Variants in TJP1 observed in about 807,000 individuals in gnomAD.
TJP1 encodes the protein tight junction protein 1.
A neutral mutation model predicts 194.2 loss-of-function variants in TJP1; 43 were observed. That is an observed-to-expected ratio of 0.22 (90% CI 0.17 to 0.29). The LOEUF (loss-of-function observed/expected upper bound fraction) is 0.29. Among genes scored for constraint, TJP1 ranks in the 10% least tolerant of loss-of-function variants. The pLI is 1.00. For missense variants in TJP1, 1,971 were observed against 2,185.7 expected (o/e 0.90, Z 1.96); for synonymous variants, 801 against 779.0 (o/e 1.03, Z -0.47).
chr15:29,834,226 A>ATTTT (rs879783769), intron 2 of TJP1, among the ~76,000 whole-genome samples: 1 of 124,022 alleles, frequency 8.1e-6, no homozygotes, highest in East Asian at 2.4e-4. Context: ...GTAAATAGGG[A>ATTTT]TTTTTTTTTT....
At chr15:29,800,835 G>T (rs746975946) in intron 1 of TJP1, 133 bp from the exon 2 acceptor site, 10 of 784,552 alleles carry the variant, frequency 1.3e-5, no homozygotes, top group Non-Finnish European at 2.0e-5. Flanking sequence ...ACTCTGAAAG[G>T]ACCTTAATAA....
At position 29,716,642 on chromosome 15, in the gene TJP1, T is replaced by G. The variant is rs1307586893; in HGVS notation, c.4171A>C (p.Asn1391His). 1.9e-6 allele frequency: 3 copies of G among 1,613,438 alleles called. No individual in the cohort carries two copies. The highest frequency in any genetic ancestry group is 3.3e-5 in the Admixed American group (2 of 59,962). Residue 1391 changes from asparagine (N) to histidine (H), a missense_variant, in exon 23 of 28, where the codon AAT becomes CAT. Asn to His is a moderately conservative substitution (Grantham distance 68). Around this residue, in one of 5 missense-constraint regions of TJP1, gnomAD observed 1,108 missense variants for 1,128.5 expected, o/e 0.98. Coordinates refer to ENST00000614355, the MANE Select transcript of TJP1 (RefSeq NM_001330239.4). ...SEPAKPAHSQ[N>H]QSNFSSYSSK... is the part of the protein sequence containing the mutation. ...GAATAACTAGAAAAATTTGATTGAT[T>G]CTGAGAATGCGCTGGCTTTGCAGGC... is the stretch of plus-strand genomic sequence containing the variant.
intron 2 of TJP1, among the ~76,000 whole-genome samples, chr15:29,906,769 G>T (rs2053829517): frequency 6.6e-6 from 1 of 151,524 alleles, no homozygotes; most frequent in Non-Finnish European, 1.5e-5. Context: ...TAGTAGCGAT[G>T]GGGTTTCACC....
intron 2 of TJP1, among the ~76,000 whole-genome samples, chr15:29,847,481 T>C (rs2051458496): frequency 6.6e-6 from 1 of 152,200 alleles, no homozygotes; most frequent in Admixed American, 6.5e-5. Context: ...GATGCCACTC[T>C]ACACTTTTAA....
intron 10 of TJP1, among the ~76,000 whole-genome samples, chr15:29,739,064 A>T (rs2044224992): frequency 6.6e-6 from 1 of 151,836 alleles, no homozygotes; most frequent in African/African-American, 2.4e-5. Flanking sequence ...AGCAAAACAA[A>T]AACAAAAACA....
In TJP1 at chr15:29,701,070, T is replaced by C. The variant is rs2041512417; in HGVS notation, c.*525A>G. 1.3e-5 allele frequency: 2 copies of C among 153,642 alleles called. No homozygotes were observed. Among genetic ancestry groups the C allele is most frequent in the Non-Finnish European group, 2.9e-5 (2 of 68,684 alleles). The allele number at this position is 153,642 out of a possible 1,614,324, so 9.5% of individuals were successfully genotyped here. ...ATGTACAGTAAGTCATTGTCTTCAC[T>C]TCACCCTCCCCCAGTTGTAAATCTC... On this transcript the variant is annotated 3_prime_UTR_variant, in exon 28 of 28. Coordinates refer to ENST00000614355, the MANE Select transcript of TJP1 (RefSeq NM_001330239.4).
In TJP1 at chr15:29,728,029, A is replaced by G. The variant is rs2043350260; in HGVS notation, c.2018-10T>C. The G allele has an allele frequency of 1.2e-6, 2 of 1,612,944 alleles. No homozygotes were observed. Among genetic ancestry groups the G allele is most frequent in the Non-Finnish European group, 8.5e-7 (1 of 1,178,958 alleles). ...TCTCGTGGTTCACTCTCTATTCATTATGTCAGGACAAAAATAAGACATCAA... is the reference window on the plus strand; with the variant it reads ...TCTCGTGGTTCACTCTCTATTCATTGTGTCAGGACAAAAATAAGACATCAA... On this transcript the variant is annotated splice_polypyrimidine_tract_variant and intron_variant, in intron 15 of 27. Transcript: ENST00000614355.
intron 2 of TJP1, among the ~76,000 whole-genome samples, chr15:29,949,679 ACCTTCACCACCACCT>A (rs2055549374): frequency 1.1e-5 from 1 of 88,954 alleles, no homozygotes. Context: ...CACCACCTCC[ACCTTCACCACCACCT>A]CCACCACCAC....
intron 7 of TJP1, 128 bp downstream of exon 7, chr15:29,761,472 TA>T (rs2046003486): frequency 7.5e-7 from 1 of 1,330,216 alleles, no homozygotes; most frequent in Non-Finnish European, 1.0e-6. Context: ...AAAATGTATA[TA>T]AAACTTATAG....
chr15:29,855,950 TA>T (rs2051833543), intron 2 of TJP1, among the ~76,000 whole-genome samples: 2 of 152,122 alleles, frequency 1.3e-5, no homozygotes, highest in Admixed American at 6.6e-5. Flanking sequence ...GTACACTTAT[TA>T]AAACGTAAGG....
chr15:29,845,477 A>C lies in TJP1; in HGVS notation c.307-44775T>G, dbSNP rs886306289. On this transcript the variant is annotated intron_variant, in intron 2 of 28. Coordinates refer to the TJP1 transcript ENST00000356107. Reference sequence around the variant, plus strand: ...GACAAGAAGACACACATAAAAAGTCAAGCAAAATAAAGAAGACAAATGTCA... The same window carrying C: ...GACAAGAAGACACACATAAAAAGTCCAGCAAAATAAAGAAGACAAATGTCA... 5.8e-4 allele frequency among the ~76,000 whole-genome samples: 88 copies of C among 152,152 alleles called. 1 individual carries two copies. The highest frequency in any genetic ancestry group is 2.1e-3 in the African/African-American group (87 of 41,430).
chr15:29,738,793 G>A (rs2044199751), intron 10 of TJP1, among the ~76,000 whole-genome samples: 2 of 148,912 alleles, frequency 1.3e-5, no homozygotes, highest in Non-Finnish European at 3.0e-5. Context: ...TTGGGAGACT[G>A]AGGCAGGAGG....
Position 29,908,955 on chromosome 15 carries a change from A to C in TJP1, c.306+47277T>G, listed in dbSNP as rs529474463. On this transcript the variant is annotated intron_variant, in intron 2 of 28. Coordinates refer to the TJP1 transcript ENST00000356107. ...GGATCACGAGATCAGGAGATCGAGA[A>C]CATCCCGGCTAACACGGTGAAACCC... Among the ~76,000 whole-genome samples the C allele has an allele frequency of 8.5e-5, 13 of 152,062 alleles. No homozygotes were observed. In the South Asian group the frequency reaches 1.5e-3, roughly 17 times the overall value.
chr15:29,822,582 G>C (rs2050491951), upstream of TJP1: 1 of 697,044 alleles, frequency 1.4e-6, no homozygotes, highest in Admixed American at 6.3e-5. Flanking sequence ...GGAGGGGGCG[G>C]GACGAGCGGC....
chr15:29,903,200 A>G (rs2053688416), intron 2 of TJP1, among the ~76,000 whole-genome samples: 2 of 152,066 alleles, frequency 1.3e-5, no homozygotes, highest in Admixed American at 1.3e-4. Context: ...AAACTTTCCA[A>G]CTGATCTATG....
At chr15:29,818,446 G>A (rs1303923839) in intron 1 of TJP1, among the ~76,000 whole-genome samples, 2 of 152,178 alleles carry the variant, frequency 1.3e-5, no homozygotes, top group Middle Eastern at 3.2e-3. Flanking sequence ...AAATACACCA[G>A]TAAACAAAAT....
chr15:29,734,189 C>T (rs1368591403), intron 12 of TJP1, 85 bp downstream of exon 12: 1 of 932,386 alleles, frequency 1.1e-6, no homozygotes. Flanking sequence ...CTATGAGTGA[C>T]TTATTTTTTA....
chr15:29,861,909 C>T (rs749140147), intron 2 of TJP1, among the ~76,000 whole-genome samples: 5 of 152,074 alleles, frequency 3.3e-5, no homozygotes, highest in Admixed American at 6.5e-5. Flanking sequence ...ATCTAAGCAA[C>T]CATTCCTTAA....
At chr15:29,791,350 C>T (rs1039234797) in intron 2 of TJP1, among the ~76,000 whole-genome samples, 1 of 147,976 alleles carries the variant, frequency 6.8e-6, no homozygotes, top group Admixed American at 6.8e-5. Flanking sequence ...ATATACTCAG[C>T]AGTGGAAATG....
Sources: gnomAD v4.1 joint callset for allele counts (sites outside exome capture counted in the v4.1 genomes callset) on GRCh38, gnomAD v4.1.1 for gene constraint, gnomAD v4.1.1 regional missense constraint, MANE v1.5 for transcripts, NCBI Gene and HGNC (gene_info 2026-07-23, HGNC 2026-07-21) for gene names.